The following ARHGEF28 variants were observed in gnomAD, a reference collection of about 807,000 sequenced individuals.
ARHGEF28 encodes the protein 190 kDa guanine nucleotide exchange factor.
ARHGEF28 carries 152 observed loss-of-function variants against 206.6 expected under a neutral mutation model. That is an observed-to-expected ratio of 0.74 (90% CI 0.64 to 0.84). The LOEUF (loss-of-function observed/expected upper bound fraction) is 0.84. ARHGEF28 is among the 40% of genes least tolerant of loss of function. The pLI, the probability that ARHGEF28 is intolerant of heterozygous loss-of-function variation, is 0.00. For missense variants in ARHGEF28, 2,028 were observed against 2,073.2 expected (o/e 0.98, Z 0.42); for synonymous variants, 763 against 776.4 (o/e 0.98, Z 0.29).
chr5:73,845,763 G>A (rs1354955633), intron 11 of ARHGEF28, among the ~76,000 whole-genome samples: 1 of 152,076 alleles, frequency 6.6e-6, no homozygotes, highest in Non-Finnish European at 1.5e-5. Context: ...GGGAGACTGA[G>A]GTGGGTGGAT....
intron 7 of ARHGEF28, among the ~76,000 whole-genome samples, chr5:73,788,660 G>T (rs1754296938): frequency 6.6e-6 from 1 of 152,104 alleles, no homozygotes; most frequent in African/African-American, 2.4e-5. Flanking sequence ...CATTGAGTAG[G>T]CTGAGGAGCA....
At position 73,934,365 on chromosome 5, in the gene ARHGEF28, C is replaced by A. The variant is rs536443857; in HGVS notation, c.4949-6479C>A. ...ATCACGTGGCACACAATGTCTGTTT[C>A]TCTTTTTGTGTTATTAAAATTGATC... On this transcript the variant is annotated intron_variant, in intron 35 of 35. Transcript: ENST00000513042. Among the ~76,000 whole-genome samples, 5 of 151,632 alleles carry A rather than the reference C, an allele frequency of 3.3e-5. No homozygotes were observed. In the East Asian group the frequency reaches 7.7e-4, roughly 23 times the overall value.
Position 73,865,952 on chromosome 5 carries a change from T to C in ARHGEF28, c.2104-13T>C, listed in dbSNP as rs758608219. The C allele has an allele frequency of 1.0e-4, 160 of 1,566,168 alleles. No homozygotes were observed. Among genetic ancestry groups the C allele is most frequent in the Non-Finnish European group, 1.4e-4 (156 of 1,140,570 alleles). On this transcript the variant is annotated splice_polypyrimidine_tract_variant and intron_variant, in intron 17 of 35. Transcript: ENST00000513042. ...TTGATCTTACTTTATGTGTTTCTAA[T>C]ATTCTTTACCAGAAATTCCAAGAGA...
At chr5:73,893,310 C>A in intron 28 of ARHGEF28, 22 bp downstream of exon 28, 1 of 1,523,234 alleles carries the variant, frequency 6.6e-7, no homozygotes, top group Non-Finnish European at 8.8e-7. Flanking sequence ...GCACTTCTGG[C>A]TCCCTGGTCG....
At chr5:73,903,522 G>A (rs796502380) in intron 31 of ARHGEF28, 6 of 152,298 alleles carry the variant, frequency 3.9e-5, no homozygotes, top group African/African-American at 1.4e-4. Context: ...CACTATCCAC[G>A]TGTGCCCTTA....
In ARHGEF28 at chr5:73,767,552, G is replaced by A. The variant is rs573887378; in HGVS notation, c.476-6303G>A. Among the ~76,000 whole-genome samples the A allele has an allele frequency of 2.6e-5, 4 of 152,234 alleles. No homozygotes were observed. The South Asian group carries it at 6.2e-4, about 24-fold the overall frequency. On this transcript the variant is annotated intron_variant, in intron 4 of 35. Transcript: ENST00000513042. The stretch of plus-strand genomic sequence containing the variant: ...CATTTTGCTCCTGTGCTAGAGATTC[G>A]TGGAATTTTGAACTTGAGAGCCATG...
intron 1 of ARHGEF28, among the ~76,000 whole-genome samples, chr5:73,647,039 A>C (rs1253326277): frequency 1.7e-4 from 26 of 152,180 alleles, no homozygotes. Context: ...CCCAACTCAG[A>C]CATTGTATAT....
At chr5:73,876,802 G>A (rs373100177) in intron 22 of ARHGEF28, among the ~76,000 whole-genome samples, 7,277 of 150,708 alleles carry the variant, frequency 0.048, 255 homozygotes, top group Non-Finnish European at 0.079. Context: ...GCTTTTTGAT[G>A]TGCTGCTGGA....
chr5:73,826,311 G>T (rs1206182996), intron 9 of ARHGEF28, among the ~76,000 whole-genome samples: 1 of 152,138 alleles, frequency 6.6e-6, no homozygotes, highest in Non-Finnish European at 1.5e-5. Flanking sequence ...TTTTATGGTG[G>T]TTAGTTATTC....
At chr5:73,850,096 A>ATTTTTTTTTTTTTTTTTTT (rs1479104675) in intron 13 of ARHGEF28, among the ~76,000 whole-genome samples, 1 of 150,744 alleles carries the variant, frequency 6.6e-6, no homozygotes, top group Non-Finnish European at 1.5e-5. Context: ...GTTATTTTGC[A>ATTTTTTTTTTTTTTTTTTT]TTTTTATGCC....
chr5:73,879,978 A>T (rs931179103), intron 22 of ARHGEF28, among the ~76,000 whole-genome samples: 33 of 152,342 alleles, frequency 2.2e-4, no homozygotes, highest in African/African-American at 7.9e-4. Flanking sequence ...AGGACATTTA[A>T]GTCTGCAGAG....
intron 4 of ARHGEF28, among the ~76,000 whole-genome samples, chr5:73,759,176 A>T (rs1207197014): frequency 2.0e-5 from 3 of 152,224 alleles, no homozygotes; most frequent in East Asian, 1.9e-4. Context: ...ATATTTTCCA[A>T]AAGTCAGATT....
In ARHGEF28 at chr5:73,683,702, C is replaced by T. The variant is rs1747255278; in HGVS notation, c.-11-1139C>T. Among the ~76,000 whole-genome samples the T allele has an allele frequency of 4.6e-5, 7 of 151,404 alleles. No individual in the cohort carries two copies. In the Admixed American group the frequency reaches 4.6e-4, roughly 10 times the overall value. On this transcript the variant is annotated intron_variant, in intron 1 of 35. Transcript: ENST00000513042. Reference sequence around the variant, plus strand: ...AGCTTGACAGTGGGCTGCATCCTACCCATGTGTTCATGCAGCTGAACTCTC... The same window carrying T: ...AGCTTGACAGTGGGCTGCATCCTACTCATGTGTTCATGCAGCTGAACTCTC...
intron 2 of ARHGEF28, among the ~76,000 whole-genome samples, chr5:73,722,108 A>T (rs1277761673): frequency 6.6e-6 from 1 of 152,242 alleles, no homozygotes; most frequent in Non-Finnish European, 1.5e-5. Context: ...TATCTGACAC[A>T]TGTGACTTAG....
chr5:73,826,858 C>T (rs564657070), intron 9 of ARHGEF28, among the ~76,000 whole-genome samples: 6 of 152,276 alleles, frequency 3.9e-5, no homozygotes, highest in East Asian at 1.9e-4. Context: ...TTTGACCTCA[C>T]GGAGCCCTTG....
chr5:73,740,731 GT>G (rs1295858112), intron 2 of ARHGEF28, among the ~76,000 whole-genome samples: 2 of 152,096 alleles, frequency 1.3e-5, no homozygotes, highest in Non-Finnish European at 2.9e-5. Context: ...TCCTCTGAAC[GT>G]GTTGTCAGCT....
intron 9 of ARHGEF28, among the ~76,000 whole-genome samples, chr5:73,813,013 T>C (rs1001616424): frequency 2.6e-5 from 4 of 152,174 alleles, no homozygotes; most frequent in Non-Finnish European, 5.9e-5. Context: ...GAAAGAATAG[T>C]CTGCTCTGGA....
At chr5:73,707,322 G>A (rs745799529) in intron 2 of ARHGEF28, among the ~76,000 whole-genome samples, 9 of 152,194 alleles carry the variant, frequency 5.9e-5, no homozygotes, top group Admixed American at 2.6e-4. Flanking sequence ...TAGTGATGGT[G>A]TCCGTATGTA....
chr5:73,736,090 G>C (rs77555377), intron 2 of ARHGEF28, among the ~76,000 whole-genome samples: 2 of 152,208 alleles, frequency 1.3e-5, no homozygotes, highest in African/African-American at 4.8e-5. Flanking sequence ...CACACATCAG[G>C]TATTTATTGA....
Sources: allele counts gnomAD v4.1 joint callset (sites outside exome capture counted in the v4.1 genomes callset), GRCh38; gene constraint gnomAD v4.1.1; transcripts MANE v1.5; gene names NCBI Gene and HGNC (gene_info 2026-07-23, HGNC 2026-07-21).